Variants in CSTPP1 observed in about 807,000 individuals in gnomAD.
CSTPP1 encodes UPF0705 protein C11orf49.
chr11:47,063,636 T>C, the CSTPP1 span, among the ~76,000 whole-genome samples: 1 of 152,246 alleles, frequency 6.6e-6, no homozygotes, highest in Admixed American at 6.5e-5. Flanking sequence ...TGCATCCATG[T>C]TGTAATATGT....
At chr11:46,998,747 G>T in the CSTPP1 span, among the ~76,000 whole-genome samples, 11 of 150,360 alleles carry the variant, frequency 7.3e-5, no homozygotes, top group Non-Finnish European at 1.5e-4. Context: ...GTTTTTTTTT[G>T]TTTTTTGAGA....
chr11:47,136,839 C>T, the CSTPP1 span, among the ~76,000 whole-genome samples: 2 of 152,294 alleles, frequency 1.3e-5, no homozygotes, highest in South Asian at 4.1e-4. Context: ...CTTGGCTGAT[C>T]TAAAATCTTT....
At chr11:47,081,568 C>G in the CSTPP1 span, among the ~76,000 whole-genome samples, 14 of 152,176 alleles carry the variant, frequency 9.2e-5, 1 homozygote, top group Admixed American at 5.9e-4. Context: ...TGTACTCTCT[C>G]CATCACCACA....
At chr11:46,982,129 T>A in the CSTPP1 span, among the ~76,000 whole-genome samples, 3 of 152,074 alleles carry the variant, frequency 2.0e-5, no homozygotes, top group East Asian at 3.9e-4. Flanking sequence ...CTTTTTTTTT[T>A]AAATCTCAGA....
chr11:46,998,513 G>C, the CSTPP1 span, among the ~76,000 whole-genome samples: 1 of 152,124 alleles, frequency 6.6e-6, no homozygotes, highest in Non-Finnish European at 1.5e-5. Flanking sequence ...ATTGGCTTGA[G>C]GTAAATTATT....
chr11:46,955,837 A>G, the CSTPP1 span, among the ~76,000 whole-genome samples: 1 of 151,938 alleles, frequency 6.6e-6, no homozygotes, highest in Non-Finnish European at 1.5e-5. Flanking sequence ...ACTAAAAATA[A>G]AAAAATTAGC....
chr11:47,134,594 T>C, the CSTPP1 span, among the ~76,000 whole-genome samples: 1 of 152,250 alleles, frequency 6.6e-6, no homozygotes, highest in South Asian at 2.1e-4. Context: ...TTTGAGATCT[T>C]GGACAGTTCT....
the CSTPP1 span, among the ~76,000 whole-genome samples, chr11:46,986,956 G>A: frequency 6.6e-6 from 1 of 152,164 alleles, no homozygotes; most frequent in African/African-American, 2.4e-5. Context: ...AAGAATGAAG[G>A]GTTGATGCTA....
chr11:47,061,804 A>G, the CSTPP1 span, among the ~76,000 whole-genome samples: 1 of 151,724 alleles, frequency 6.6e-6, no homozygotes, highest in African/African-American at 2.4e-5. Context: ...TTTGTTTTTC[A>G]TGTTTATTTC....
At chr11:46,984,414 CATT>C in the CSTPP1 span, among the ~76,000 whole-genome samples, 9 of 152,174 alleles carry the variant, frequency 5.9e-5, no homozygotes, top group Non-Finnish European at 8.8e-5. Context: ...ATATCTGTCA[CATT>C]GTTGTTTAAT....
chr11:47,003,677 A>T, the CSTPP1 span, among the ~76,000 whole-genome samples: 1 of 152,238 alleles, frequency 6.6e-6, no homozygotes. Context: ...CTGTCTTATC[A>T]GAAAGTGGCA....
the CSTPP1 span, among the ~76,000 whole-genome samples, chr11:47,075,010 T>G: frequency 6.6e-6 from 1 of 152,204 alleles, no homozygotes; most frequent in African/African-American, 2.4e-5. Flanking sequence ...ATGTAAATAG[T>G]TATAGACCCT....
At chr11:47,133,765 T>A in the CSTPP1 span, among the ~76,000 whole-genome samples, 1 of 152,192 alleles carries the variant, frequency 6.6e-6, no homozygotes, top group African/African-American at 2.4e-5. Context: ...GTGCTGACAG[T>A]GTTAGCTGGG....
At chr11:46,994,863 C>T in the CSTPP1 span, among the ~76,000 whole-genome samples, 1 of 152,206 alleles carries the variant, frequency 6.6e-6, no homozygotes, top group East Asian at 1.9e-4. Flanking sequence ...ACCAGCTCCT[C>T]TTTGTACCTC....
chr11:46,948,361 A>G, the CSTPP1 span, among the ~76,000 whole-genome samples: 1 of 152,230 alleles, frequency 6.6e-6, no homozygotes, highest in East Asian at 1.9e-4. Flanking sequence ...GCTAGCACTC[A>G]GGACACTGTT....
chr11:47,012,291 T>C, the CSTPP1 span, among the ~76,000 whole-genome samples: 2 of 152,124 alleles, frequency 1.3e-5, no homozygotes, highest in Non-Finnish European at 2.9e-5. Flanking sequence ...TTTGGGATAC[T>C]GAATGACTGG....
At chr11:47,099,319 C>A in the CSTPP1 span, among the ~76,000 whole-genome samples, 1 of 152,200 alleles carries the variant, frequency 6.6e-6, no homozygotes, top group African/African-American at 2.4e-5. Flanking sequence ...TGCCTTCTTA[C>A]TCTTCCTTCT....
the CSTPP1 span, among the ~76,000 whole-genome samples, chr11:47,149,935 A>G: frequency 7.0e-4 from 106 of 151,996 alleles, no homozygotes; most frequent in African/African-American, 2.4e-3. Flanking sequence ...ATCAGCCACA[A>G]TCCTAGAACT....
chr11:47,126,015 T>G, the CSTPP1 span, among the ~76,000 whole-genome samples: 1 of 147,236 alleles, frequency 6.8e-6, no homozygotes, highest in Non-Finnish European at 1.5e-5. Flanking sequence ...AGACTCTGTC[T>G]CAAAAAAAAA....
Sources: allele counts gnomAD v4.1 joint callset (sites outside exome capture counted in the v4.1 genomes callset), GRCh38; gene constraint gnomAD v4.1.1; transcripts MANE v1.5; gene names NCBI Gene and HGNC (gene_info 2026-07-23, HGNC 2026-07-21).